PYGO1: variants seen among roughly 807,000 people sequenced by gnomAD.
The protein encoded by PYGO1 is pygopus homolog 1.
Under a neutral mutation model 29.5 loss-of-function variants are expected in PYGO1, and 6 were observed. The observed-to-expected ratio is 0.20, with a 90% confidence interval of 0.11 to 0.40. PYGO1 has a LOEUF of 0.40. Ranked by LOEUF, PYGO1 falls within the 10% of genes least tolerant of loss-of-function variation. The pLI, the probability that PYGO1 is intolerant of heterozygous loss-of-function variation, is 1.00. For synonymous variants in PYGO1, 186 were observed against 180.5 expected, an observed-to-expected ratio of 1.03 and a Z score of -0.24; for missense variants, 515 against 514.9, an observed-to-expected ratio of 1.00 and a Z score of 0.00.
rs1366577314 is a variant in PYGO1 at position 55,546,264 on chromosome 15, A to G, written c.1019T>C (p.Val340Ala). The change falls in exon 3 of 3, where the codon GTG becomes GCG. Residue 340 changes from valine to alanine, a missense_variant. Transcript: ENST00000563719. ...NRHGHSSSDPVYPCGICTNEV... is the reference protein window; with the variant it reads ...NRHGHSSSDPAYPCGICTNEV... The stretch of plus-strand genomic sequence containing the variant: ...GTTTGTACAAATTCCACAAGGATAC[A>G]CTGGGTCAGAAGACGAATGGCCATG... 1.2e-6 allele frequency: 2 copies of G among 1,614,184 alleles called. No individual in the cohort carries two copies. Among genetic ancestry groups the G allele is most frequent in the Non-Finnish European group, 1.7e-6 (2 of 1,180,024 alleles).
At chr15:55,565,909 G>C (rs534859749) in intron 1 of PYGO1, among the ~76,000 whole-genome samples, 1 of 152,202 alleles carries the variant, frequency 6.6e-6, no homozygotes, top group South Asian at 2.1e-4. Context: ...AGTCTACCAA[G>C]TAGCTGAGAT....
intron 1 of PYGO1, among the ~76,000 whole-genome samples, chr15:55,558,509 T>C (rs972215875): frequency 2.6e-5 from 4 of 152,112 alleles, no homozygotes; most frequent in African/African-American, 4.8e-5. Context: ...TTAAAGTTCA[T>C]ATGGAACCAA....
At chr15:55,577,957 T>C (rs1466996381) in intron 1 of PYGO1, among the ~76,000 whole-genome samples, 2 of 152,160 alleles carry the variant, frequency 1.3e-5, no homozygotes, top group Middle Eastern at 6.8e-3. Context: ...TTATTTGTAG[T>C]AGAGACCTGG....
At position 55,539,884 on chromosome 15, in the gene PYGO1, T is replaced by C. The variant is rs2058821994; in HGVS notation, c.*6139A>G. On this transcript the variant is annotated 3_prime_UTR_variant, in exon 3 of 3. Coordinates refer to ENST00000563719, the MANE Select transcript of PYGO1 (RefSeq NM_001367806.1). The stretch of plus-strand genomic sequence containing the variant: ...ATACATCACTGACATAGTAAAACCT[T>C]ATTAAGGATAATTTAAACTGATATG... 6.6e-6 allele frequency: 1 copy of C among 151,998 alleles called. No homozygotes were observed. Among genetic ancestry groups the C allele is most frequent in the African/African-American group, 2.4e-5 (1 of 41,454 alleles). 9.4% of individuals were successfully genotyped at this position (151,998 alleles called of 1,614,324 possible).
intron 1 of PYGO1, among the ~76,000 whole-genome samples, chr15:55,566,407 ATTCT>A (rs2058956940): frequency 6.7e-6 from 1 of 150,090 alleles, no homozygotes; most frequent in African/African-American, 2.5e-5. Context: ...AAAAGATTTC[ATTCT>A]TTTTTTTTTA....
intron 1 of PYGO1, among the ~76,000 whole-genome samples, chr15:55,571,414 G>T (rs1194921663): frequency 2.0e-5 from 3 of 152,124 alleles, no homozygotes; most frequent in African/African-American, 7.2e-5. Flanking sequence ...CCTATGATAT[G>T]GTATGGCTGT....
chr15:55,545,928 T>C lies in PYGO1; in HGVS notation c.*95A>G, dbSNP rs1031516596. 13 of 1,317,726 alleles carry C rather than the reference T, an allele frequency of 9.9e-6. No individual in the cohort carries two copies. Among genetic ancestry groups the C allele is most frequent in the South Asian group, 1.5e-5 (1 of 65,166 alleles). The allele number at this position is 1,317,726 out of a possible 1,614,324, so 81.6% of individuals were successfully genotyped here. A position where few individuals can be genotyped will look rare whatever the true frequency, so the allele number is the denominator to read the frequency against. On this transcript the variant is annotated 3_prime_UTR_variant, in exon 3 of 3. Coordinates refer to ENST00000563719, the MANE Select transcript of PYGO1 (RefSeq NM_001367806.1). ...ACTAAGTAAATAATGTTTTTGTGTATGCATTTAAAAAAATAATGTAAAACA... is the reference window on the plus strand; with the variant it reads ...ACTAAGTAAATAATGTTTTTGTGTACGCATTTAAAAAAATAATGTAAAACA...
intron 1 of PYGO1, among the ~76,000 whole-genome samples, chr15:55,565,253 G>A (rs1234528324): frequency 2.6e-5 from 4 of 151,990 alleles, no homozygotes; most frequent in Non-Finnish European, 5.9e-5. Flanking sequence ...CATCTTGGTG[G>A]TCATCTTAGA....
chr15:55,581,533 C>A (rs2059024850), intron 1 of PYGO1, among the ~76,000 whole-genome samples: 1 of 152,134 alleles, frequency 6.6e-6, no homozygotes, highest in African/African-American at 2.4e-5. Flanking sequence ...ACCACTATGG[C>A]AATGCAGCAT....
At chr15:55,563,765 A>G (rs768868479) in intron 1 of PYGO1, among the ~76,000 whole-genome samples, 1 of 152,200 alleles carries the variant, frequency 6.6e-6, no homozygotes, top group Non-Finnish European at 1.5e-5. Flanking sequence ...GGTTTTGAAC[A>G]GACATTTCTC....
At chr15:55,574,887 C>T (rs2058994990) in intron 1 of PYGO1, among the ~76,000 whole-genome samples, 1 of 152,018 alleles carries the variant, frequency 6.6e-6, no homozygotes, top group Non-Finnish European at 1.5e-5. Context: ...AATTAAAAGA[C>T]AAAAACTAAG....
chr15:55,571,960 T>C (rs978761362), intron 1 of PYGO1, among the ~76,000 whole-genome samples: 4 of 152,200 alleles, frequency 2.6e-5, no homozygotes, highest in Non-Finnish European at 5.9e-5. Flanking sequence ...TTCCATTTAT[T>C]AGAAGTCTTC....
chr15:55,588,525 G>T (rs1447872629), upstream of PYGO1, among the ~76,000 whole-genome samples: 1 of 147,032 alleles, frequency 6.8e-6, no homozygotes, highest in Non-Finnish European at 1.5e-5. Context: ...CTCGCGCTCC[G>T]CCTCGGCCCA....
chr15:55,560,710 C>G (rs1043194121), intron 1 of PYGO1, among the ~76,000 whole-genome samples: 1 of 152,156 alleles, frequency 6.6e-6, no homozygotes, highest in African/African-American at 2.4e-5. Context: ...CACCTATAAT[C>G]CCAGCACTTT....
chr15:55,572,642 A>C (rs1385681794), intron 1 of PYGO1, among the ~76,000 whole-genome samples: 1 of 152,162 alleles, frequency 6.6e-6, no homozygotes, highest in Non-Finnish European at 1.5e-5. Flanking sequence ...TTTGCAAATC[A>C]TATATCTCTT....
chr15:55,559,803 A>T (rs1286177959), intron 1 of PYGO1, among the ~76,000 whole-genome samples: 1 of 152,208 alleles, frequency 6.6e-6, no homozygotes, highest in Non-Finnish European at 1.5e-5. Flanking sequence ...AATACTGGCA[A>T]ACCAAATCCA....
chr15:55,582,712 C>T (rs75302194), intron 1 of PYGO1, among the ~76,000 whole-genome samples: 4,200 of 152,174 alleles, frequency 0.028, 196 homozygotes, highest in African/African-American at 0.096. Flanking sequence ...CTGGAATATC[C>T]CAGGAGGATA....
chr15:55,576,265 G>A (rs2059001124), intron 1 of PYGO1, among the ~76,000 whole-genome samples: 2 of 147,134 alleles, frequency 1.4e-5, no homozygotes, highest in South Asian at 4.4e-4. Flanking sequence ...GACCATCCCG[G>A]CTAAAACGGT....
chr15:55,588,116 G>T lies in PYGO1; in HGVS notation c.-233C>A. On this transcript the variant is annotated 5_prime_UTR_variant, in exon 1 of 3. Transcript: ENST00000563719. The stretch of plus-strand genomic sequence containing the variant: ...CGTGCGGGCACCGGCGGGGCTCAGC[G>T]GCGGTGGCCGGGAGCGCGGCCTGGG... 1 of 927,462 alleles carries T rather than the reference G, an allele frequency of 1.1e-6. No homozygotes were observed. The highest frequency in any genetic ancestry group is 5.0e-5 in the South Asian group (1 of 20,162). The allele number at this position is 927,462 out of a possible 1,614,324, so 57.5% of individuals were successfully genotyped here.
Sources: allele counts gnomAD v4.1 joint callset (sites outside exome capture counted in the v4.1 genomes callset), GRCh38; gene constraint gnomAD v4.1.1; transcripts MANE v1.5; gene names NCBI Gene and HGNC (gene_info 2026-07-23, HGNC 2026-07-21).